Variants in TUNAR observed in about 807,000 individuals in gnomAD.
TUNAR encodes the protein transmembrane neural differentiation associated intracellular calcium regulator, also known as protein TUNAR.
At chr14:95,877,067 T>C (rs1392632380) in exon 2 of TUNAR, 3 of 152,196 alleles carry the variant, frequency 2.0e-5, no homozygotes, top group Non-Finnish European at 4.4e-5. Context: ...GCAGCCTCCT[T>C]TTTTTCCTTC....
At chr14:95,901,068 T>G (rs1004906654) in intron 2 of TUNAR, among the ~76,000 whole-genome samples, 2 of 152,242 alleles carry the variant, frequency 1.3e-5, no homozygotes, top group Non-Finnish European at 2.9e-5. Flanking sequence ...CTCTCTTTTC[T>G]TTTCTAGCAT....
At chr14:95,917,564 G>A (rs1889625993) in intron 2 of TUNAR, among the ~76,000 whole-genome samples, 2 of 152,158 alleles carry the variant, frequency 1.3e-5, no homozygotes, top group Admixed American at 1.3e-4. Flanking sequence ...AAAACCTATA[G>A]AACACTTTAG....
chr14:95,893,905 G>C (rs1203493011), intron 2 of TUNAR, among the ~76,000 whole-genome samples: 1 of 152,258 alleles, frequency 6.6e-6, no homozygotes, highest in Non-Finnish European at 1.5e-5. Context: ...TTCTGGGCCT[G>C]TTCAGTCATT....
intron 2 of TUNAR, among the ~76,000 whole-genome samples, chr14:95,896,982 A>G (rs1262179326): frequency 6.6e-6 from 1 of 152,198 alleles, no homozygotes; most frequent in Non-Finnish European, 1.5e-5. Context: ...TTGCGTTGGA[A>G]TTTGTTCCTT....
intron 2 of TUNAR, among the ~76,000 whole-genome samples, chr14:95,884,614 A>C (rs564857415): frequency 5.3e-5 from 8 of 152,186 alleles, no homozygotes; most frequent in Non-Finnish European, 8.8e-5. Context: ...ATGGGACTGC[A>C]TTGTCAAAGT....
exon 3 of TUNAR, chr14:95,923,560 A>AT (rs1231874574): frequency 6.6e-6 from 1 of 152,164 alleles, no homozygotes; most frequent in African/African-American, 2.4e-5. Context: ...AATGTGCTCT[A>AT]TTTTTTAGCA....
rs565842564 is a variant in TUNAR at position 95,920,946 on chromosome 14, G to A, written c.13-1835G>A. ...AGATCCGCAGGATGAGTCAGCAAGC[G>A]GGAGACCCAGGATGGCCAGTGGTGT... On this transcript the variant is annotated intron_variant, in intron 2 of 2. Coordinates refer to ENST00000678517, the Ensembl canonical transcript of TUNAR. 5.9e-5 allele frequency among the ~76,000 whole-genome samples: 9 copies of A among 152,312 alleles called. No individual in the cohort carries two copies. The East Asian group carries it at 1.4e-3, about 23-fold the overall frequency.
At chr14:95,896,196 G>A (rs1002882431) in intron 2 of TUNAR, among the ~76,000 whole-genome samples, 1 of 152,134 alleles carries the variant, frequency 6.6e-6, no homozygotes, top group Non-Finnish European at 1.5e-5. Flanking sequence ...CTTTCCTACC[G>A]ATCTCAACGA....
intron 2 of TUNAR, among the ~76,000 whole-genome samples, chr14:95,917,080 G>A (rs1026602039): frequency 2.6e-5 from 4 of 151,988 alleles, no homozygotes; most frequent in Non-Finnish European, 4.4e-5. Flanking sequence ...TAAGGTCATC[G>A]AATTTCATAA....
chr14:95,922,270 C>T (rs999785282), intron 2 of TUNAR, among the ~76,000 whole-genome samples: 2 of 152,224 alleles, frequency 1.3e-5, no homozygotes, highest in Non-Finnish European at 2.9e-5. Context: ...TGCCTGGTCT[C>T]AATGAATCAC....
intron 2 of TUNAR, among the ~76,000 whole-genome samples, chr14:95,907,576 T>A (rs909469059): frequency 2.6e-5 from 4 of 152,178 alleles, no homozygotes; most frequent in Non-Finnish European, 5.9e-5. Context: ...GAATGAGGTA[T>A]GCAGACAAGT....
chr14:95,896,764 A>G (rs1250493889), intron 2 of TUNAR, among the ~76,000 whole-genome samples: 1 of 152,236 alleles, frequency 6.6e-6, no homozygotes. Context: ...ACACTTTGTT[A>G]TGTTGATATC....
At chr14:95,878,019 G>A (rs756440978) in intron 2 of TUNAR, among the ~76,000 whole-genome samples, 1 of 152,210 alleles carries the variant, frequency 6.6e-6, no homozygotes, top group Non-Finnish European at 1.5e-5. Context: ...ACCTTTCCCT[G>A]GGGGCAGGGC....
intron 2 of TUNAR, among the ~76,000 whole-genome samples, chr14:95,916,669 AGTATGTTTGG>A (rs1889611899): frequency 6.6e-6 from 1 of 152,114 alleles, no homozygotes; most frequent in Non-Finnish European, 1.5e-5. Context: ...CTGAGGTGTG[AGTATGTTTGG>A]CTTTATAAGA....
intron 2 of TUNAR, among the ~76,000 whole-genome samples, chr14:95,880,236 C>T (rs531828098): frequency 3.4e-4 from 52 of 152,212 alleles, no homozygotes; most frequent in African/African-American, 1.0e-3. Context: ...TTATTAATAC[C>T]TCCAGAATGC....
At chr14:95,907,710 G>T (rs1328616012) in intron 2 of TUNAR, among the ~76,000 whole-genome samples, 1 of 152,224 alleles carries the variant, frequency 6.6e-6, no homozygotes, top group African/African-American at 2.4e-5. Flanking sequence ...CAGCAGAGAA[G>T]AGACCCTGGA....
chr14:95,902,204 GT>G (rs906695677), intron 2 of TUNAR, among the ~76,000 whole-genome samples: 122 of 151,542 alleles, frequency 8.1e-4, no homozygotes, highest in African/African-American at 2.7e-3. Flanking sequence ...TTTTTTTCAA[GT>G]TTTTTTTTAA....
intron 2 of TUNAR, among the ~76,000 whole-genome samples, chr14:95,877,949 A>G (rs1888917816): frequency 6.6e-6 from 1 of 152,220 alleles, no homozygotes; most frequent in South Asian, 2.1e-4. Context: ...TGAAGGATGG[A>G]AAGGACAGTG....
At chr14:95,915,057 G>A (rs576344833) in intron 2 of TUNAR, among the ~76,000 whole-genome samples, 6 of 152,206 alleles carry the variant, frequency 3.9e-5, no homozygotes, top group South Asian at 4.1e-4. Context: ...CTGTCGGCAG[G>A]TAGAATATAC....
Sources: gnomAD v4.1 joint callset for allele counts (sites outside exome capture counted in the v4.1 genomes callset) on GRCh38, gnomAD v4.1.1 for gene constraint, MANE v1.5 for transcripts, NCBI Gene and HGNC (gene_info 2026-07-23, HGNC 2026-07-21) for gene names.